The following TRPS1 variants were observed in gnomAD, a reference collection of about 807,000 sequenced individuals.
The protein encoded by TRPS1 is transcriptional repressor GATA binding 1.
TRPS1 carries 6 observed loss-of-function variants against 101.2 expected under a neutral mutation model. The observed-to-expected ratio is 0.06, with a 90% CI of 0.03 to 0.12. TRPS1 has a LOEUF of 0.12. TRPS1 is among the 10% of genes least tolerant of loss of function. TRPS1 has a pLI of 1.00. For missense variants in TRPS1, 1,363 were observed against 1,567.0 expected (o/e 0.87, Z 2.20); for synonymous variants, 578 against 589.8 (o/e 0.98, Z 0.29).
At chr8:115,483,037 A>C (rs1814793339) in intron 5 of TRPS1, among the ~76,000 whole-genome samples, 1 of 152,204 alleles carries the variant, frequency 6.6e-6, no homozygotes. Flanking sequence ...CCATATAAGT[A>C]GGTCTTGTCC....
chr8:115,561,242 A>T (rs150905197), intron 5 of TRPS1, among the ~76,000 whole-genome samples: 2 of 152,228 alleles, frequency 1.3e-5, no homozygotes, highest in East Asian at 1.9e-4. Context: ...TGCATGGCTT[A>T]TCTTCCCTGA....
chr8:115,510,838 C>T (rs182074958), intron 5 of TRPS1, among the ~76,000 whole-genome samples: 129 of 151,926 alleles, frequency 8.5e-4, no homozygotes, highest in African/African-American at 3.0e-3. Context: ...TTTTGAATGC[C>T]AAGGTTATCA....
intron 5 of TRPS1, among the ~76,000 whole-genome samples, chr8:115,518,234 C>T (rs1372477295): frequency 2.0e-5 from 3 of 151,690 alleles, no homozygotes; most frequent in Non-Finnish European, 4.4e-5. Flanking sequence ...AAATTTAAAT[C>T]ACACACCAAT....
intron 5 of TRPS1, among the ~76,000 whole-genome samples, chr8:115,454,828 ACT>A (rs146680285): frequency 0.01 from 1,594 of 152,208 alleles, 28 homozygotes; most frequent in Admixed American, 0.04. Context: ...TCATTTTAAA[ACT>A]CTGTAAACTT....
intron 5 of TRPS1, among the ~76,000 whole-genome samples, chr8:115,533,434 C>CTTTTTTT (rs1427634638): frequency 9.3e-5 from 3 of 32,346 alleles, no homozygotes; most frequent in South Asian, 1.2e-3. Flanking sequence ...CACATGTAAT[C>CTTTTTTT]TGTTTTTTTT....
intron 1 of TRPS1, among the ~76,000 whole-genome samples, chr8:115,626,802 T>G (rs1035898963): frequency 6.6e-6 from 1 of 151,760 alleles, no homozygotes; most frequent in African/African-American, 2.4e-5. Context: ...GATATCCTAT[T>G]TCAAAGGTTT....
At chr8:115,489,687 G>A (rs1814972791) in intron 5 of TRPS1, among the ~76,000 whole-genome samples, 1 of 152,004 alleles carries the variant, frequency 6.6e-6, no homozygotes, top group Non-Finnish European at 1.5e-5. Context: ...TGTAGAGCAT[G>A]GTAAATATTA....
chr8:115,488,771 A>G (rs1401939970), intron 5 of TRPS1, among the ~76,000 whole-genome samples: 5 of 152,210 alleles, frequency 3.3e-5, no homozygotes, highest in Non-Finnish European at 7.3e-5. Context: ...CACTCAAGAT[A>G]ATATTGGAGA....
chr8:115,523,074 G>C lies in TRPS1; in HGVS notation c.2700+63927C>G, dbSNP rs190920086. Among the ~76,000 whole-genome samples, 326 of 151,956 alleles carry C rather than the reference G, an allele frequency of 2.1e-3. 1 individual carries two copies. The highest frequency in any genetic ancestry group is 7.5e-3 in the African/African-American group (312 of 41,458). On this transcript the variant is annotated intron_variant, in intron 5 of 6. Coordinates refer to ENST00000395715, the MANE Select transcript of TRPS1 (RefSeq NM_014112.5). Reference sequence around the variant, plus strand: ...CCCCTGTGATAAACCTTTTGATTTTGCTTTTCCAAGATTAGATCCTGAGTT... The same window carrying C: ...CCCCTGTGATAAACCTTTTGATTTTCCTTTTCCAAGATTAGATCCTGAGTT...
At chr8:115,450,342 T>C (rs1317519927) in intron 5 of TRPS1, among the ~76,000 whole-genome samples, 2 of 152,318 alleles carry the variant, frequency 1.3e-5, no homozygotes, top group African/African-American at 2.4e-5. Context: ...GGAGCTGCTC[T>C]GAATGGCACA....
At chr8:115,416,600 CATAAAT>C (rs1212924176) in intron 6 of TRPS1, among the ~76,000 whole-genome samples, 5 of 148,724 alleles carry the variant, frequency 3.4e-5, no homozygotes, top group African/African-American at 1.2e-4. Context: ...TTTAAAAAAA[CATAAAT>C]ATAAGTGTAA....
intron 5 of TRPS1, among the ~76,000 whole-genome samples, chr8:115,459,789 A>C (rs1265784020): frequency 1.3e-5 from 2 of 152,198 alleles, no homozygotes; most frequent in African/African-American, 4.8e-5. Context: ...AGACCACTGA[A>C]GTTATCCACA....
At chr8:115,526,643 T>C (rs1816006186) in intron 5 of TRPS1, among the ~76,000 whole-genome samples, 1 of 152,106 alleles carries the variant, frequency 6.6e-6, no homozygotes, top group African/African-American at 2.4e-5. Flanking sequence ...AATCACAAAT[T>C]CATGCCTTAT....
rs1378167703 is a variant in TRPS1, at chr8:115,661,082, G to GC, written c.-122+7462dup. 1.4e-4 allele frequency among the ~76,000 whole-genome samples: 21 copies of GC among 152,076 alleles called. 1 individual carries two copies. The East Asian group carries it at 4.1e-3, about 29-fold the overall frequency. Reference sequence around the variant, plus strand: ...TCACAAACAGTCCTGTCCCTTAACTGCTCCTCTTAACAGAAATGAGACTTA... The same window carrying GC: ...TCACAAACAGTCCTGTCCCTTAACTGCCTCCTCTTAACAGAAATGAGACTTA... On this transcript the variant is annotated intron_variant, in intron 1 of 6. Transcript: ENST00000395715.
intron 1 of TRPS1, among the ~76,000 whole-genome samples, chr8:115,645,147 T>C (rs752370797): frequency 3.9e-5 from 6 of 152,170 alleles, no homozygotes; most frequent in African/African-American, 1.2e-4. Context: ...CCACAAATCT[T>C]TATTTATAAA....
At chr8:115,434,628 A>G (rs1434671362) in intron 5 of TRPS1, among the ~76,000 whole-genome samples, 1 of 152,156 alleles carries the variant, frequency 6.6e-6, no homozygotes, top group Non-Finnish European at 1.5e-5. Flanking sequence ...TAACTTGGCA[A>G]TATTGGTGTG....
rs1812845546 is a variant in TRPS1, at chr8:115,413,836, T to C, written c.*187A>G. The C allele has an allele frequency of 1.6e-6, 1 of 622,200 alleles. No individual in the cohort carries two copies. Among genetic ancestry groups the C allele is most frequent in the East Asian group, 2.8e-5 (1 of 35,174 alleles). The allele number at this position is 622,200 out of a possible 1,614,324, so 38.5% of individuals were successfully genotyped here. Reference sequence around the variant, plus strand: ...ATCTTCCATTCTTTCTCATTGACCATTTATCTCACTTTTTAATCTTGGTAA... The same window carrying C: ...ATCTTCCATTCTTTCTCATTGACCACTTATCTCACTTTTTAATCTTGGTAA... On this transcript the variant is annotated 3_prime_UTR_variant, in exon 7 of 7. Coordinates refer to ENST00000395715, the MANE Select transcript of TRPS1 (RefSeq NM_014112.5).
At chr8:115,521,558 A>C (rs1815862438) in intron 5 of TRPS1, among the ~76,000 whole-genome samples, 1 of 151,886 alleles carries the variant, frequency 6.6e-6, no homozygotes, top group Admixed American at 6.6e-5. Flanking sequence ...TCCTATATCC[A>C]CGATGTGTTA....
chr8:115,490,238 G>A (rs1814987374), intron 5 of TRPS1, among the ~76,000 whole-genome samples: 7 of 152,024 alleles, frequency 4.6e-5, no homozygotes, highest in Admixed American at 3.9e-4. Flanking sequence ...TCCAGAAATG[G>A]TAGTAAGCAA....
Sources: gnomAD v4.1 joint callset for allele counts (sites outside exome capture counted in the v4.1 genomes callset) on GRCh38, gnomAD v4.1.1 for gene constraint, MANE v1.5 for transcripts, NCBI Gene and HGNC (gene_info 2026-07-23, HGNC 2026-07-21) for gene names.